INPP5A: variants seen among roughly 807,000 people sequenced by gnomAD.
The protein encoded by INPP5A is inositol polyphosphate-5-phosphatase A, also known as 43 kDa inositol polyphosphate 5-phophatase.
Under a neutral mutation model 65.2 loss-of-function variants are expected in INPP5A, and 14 were observed. The ratio of observed to expected loss-of-function variants is 0.21; its 90% CI spans 0.14 to 0.34. The LOEUF (loss-of-function observed/expected upper bound fraction) is 0.34. INPP5A is among the 10% of genes least tolerant of loss of function. The pLI is 1.00. For missense variants in INPP5A, 431 were observed against 545.6 expected, an observed-to-expected ratio of 0.79 and a Z score of 2.09; for synonymous variants, 207 against 208.3, an observed-to-expected ratio of 0.99 and a Z score of 0.05.
At position 132,705,707 on chromosome 10, in the gene INPP5A, G is replaced by T. The variant is rs899213359; in HGVS notation, c.475-2606G>T. Among the ~76,000 whole-genome samples, 1 of 152,220 alleles carries T rather than the reference G, an allele frequency of 6.6e-6. No individual in the cohort carries two copies. The highest frequency in any genetic ancestry group is 2.4e-5 in the African/African-American group (1 of 41,438). The stretch of plus-strand genomic sequence containing the variant: ...TTTACAGGTGAGGGAAGAAGGACCA[G>T]CCCTGGAAGGAGGAAGCTTGGAGCC... On this transcript the variant is annotated intron_variant, in intron 6 of 15. Coordinates refer to ENST00000368594, the MANE Select transcript of INPP5A (RefSeq NM_005539.5). This position sits in a 1 kb window ranked among gnomAD's most constrained non-coding sequence, Gnocchi z 4.9.
intron 11 of INPP5A, among the ~76,000 whole-genome samples, chr10:132,757,966 G>A (rs2134660019): frequency 6.9e-6 from 1 of 145,870 alleles, no homozygotes; most frequent in East Asian, 2.1e-4. Context: ...TGGGTGCCCG[G>A]CCGACCCCAC....
intron 11 of INPP5A, among the ~76,000 whole-genome samples, chr10:132,765,351 T>C (rs1846823651): frequency 6.6e-6 from 1 of 152,234 alleles, no homozygotes; most frequent in Non-Finnish European, 1.5e-5. Context: ...TTCCCTGACC[T>C]GTTCTCACAA....
In INPP5A at chr10:132,738,133, T is replaced by C. The variant is rs996244203; in HGVS notation, c.732+11228T>C. On this transcript the variant is annotated intron_variant, in intron 9 of 15. Transcript: ENST00000368594. The stretch of plus-strand genomic sequence containing the variant: ...CCGTAGTGTGTTCACTAATCTTTAA[T>C]GCACTTTTCTATATTTTTTATGAGC... 1.1e-3 allele frequency among the ~76,000 whole-genome samples: 160 copies of C among 152,342 alleles called. 1 individual carries two copies. The highest frequency in any genetic ancestry group is 1.9e-4 in the Non-Finnish European group (13 of 68,042).
chr10:132,577,937 C>T (rs995984140), intron 1 of INPP5A, among the ~76,000 whole-genome samples: 24 of 152,180 alleles, frequency 1.6e-4, no homozygotes, highest in African/African-American at 5.8e-4. Flanking sequence ...TTTGGGGGTG[C>T]TCCATGAAGC....
At chr10:132,598,691 G>C (rs1445350699) in intron 1 of INPP5A, among the ~76,000 whole-genome samples, 1 of 152,138 alleles carries the variant, frequency 6.6e-6, no homozygotes, top group East Asian at 1.9e-4. Context: ...TTAAGTTCCT[G>C]CTTTCAGTTC....
rs777339628 is a variant in INPP5A at position 132,781,907 on chromosome 10, A to G, written c.1205A>G (p.His402Arg). The change falls in exon 15 of 16, where the codon CAT becomes CGT. Residue 402 changes from histidine (H) to arginine (R), a missense_variant. By Grantham distance (29) the His-to-Arg change is conservative. Transcript: ENST00000368594. The part of the protein sequence containing the change: ...FRIMPGAGKP[H>R]AHVHKCCVVQ The stretch of plus-strand genomic sequence containing the variant: ...ATCATGCCCGGGGCAGGTAAACCTC[A>G]TGCCCATGTGCACAAGTGTTGTGTC... The G allele has an allele frequency of 2.5e-5, 41 of 1,613,676 alleles. No individual in the cohort carries two copies. The Admixed American group carries it at 2.8e-4, about 11-fold the overall frequency.
chr10:132,765,656 C>T (rs1373826149), intron 11 of INPP5A, 117 bp from the exon 12 acceptor site: 16 of 693,092 alleles, frequency 2.3e-5, no homozygotes, highest in Non-Finnish European at 4.0e-5. Context: ...GATGTGGCGG[C>T]TCTGGGAAGA....
At chr10:132,742,750 C>T (rs1050368055) in intron 9 of INPP5A, among the ~76,000 whole-genome samples, 27 of 152,194 alleles carry the variant, frequency 1.8e-4, no homozygotes, top group Admixed American at 1.4e-3. Context: ...CCTGGTGAAC[C>T]GGGGCCCTTG....
chr10:132,699,217 C>T (rs1470208633), intron 6 of INPP5A, among the ~76,000 whole-genome samples: 3 of 152,028 alleles, frequency 2.0e-5, no homozygotes, highest in Admixed American at 6.5e-5. Context: ...GGTGCAGGCC[C>T]GTCGGAAGGG....
chr10:132,713,165 G>T (rs569098931), intron 8 of INPP5A, among the ~76,000 whole-genome samples: 1 of 151,814 alleles, frequency 6.6e-6, no homozygotes, highest in East Asian at 1.9e-4. Flanking sequence ...TGTGTGTGCG[G>T]GTGTGTGTGC....
chr10:132,619,055 A>G (rs2072078586), intron 2 of INPP5A, among the ~76,000 whole-genome samples: 2 of 152,282 alleles, frequency 1.3e-5, no homozygotes, highest in Admixed American at 1.3e-4. Flanking sequence ...ATTTCAAAAT[A>G]CAATCATCCC....
Position 132,678,674 on chromosome 10 carries a change from C to T in INPP5A, c.307-11718C>T, listed in dbSNP as rs995989601. 1.3e-5 allele frequency among the ~76,000 whole-genome samples: 2 copies of T among 152,242 alleles called. No homozygotes were observed. Among genetic ancestry groups the T allele is most frequent in the East Asian group, 3.9e-4 (2 of 5,162 alleles). On this transcript the variant is annotated intron_variant, in intron 4 of 15. Coordinates refer to ENST00000368594, the MANE Select transcript of INPP5A (RefSeq NM_005539.5). This position sits in a 1 kb window ranked among gnomAD's most constrained non-coding sequence, Gnocchi z 4.1. ...GGCATTGTGGTGGAGGACTCAGAGG[C>T]GCCCAGGCCACATGCCTGCCCTCAG... is the stretch of plus-strand genomic sequence containing the variant.
At chr10:132,693,501 G>A (rs1845300289) in intron 5 of INPP5A, among the ~76,000 whole-genome samples, 1 of 152,046 alleles carries the variant, frequency 6.6e-6, no homozygotes, top group African/African-American at 2.4e-5. Flanking sequence ...TGAATCAAAG[G>A]AAAACTTAAA....
At chr10:132,740,375 C>T (rs1025715971) in intron 9 of INPP5A, among the ~76,000 whole-genome samples, 3 of 152,114 alleles carry the variant, frequency 2.0e-5, no homozygotes, top group African/African-American at 7.2e-5. Flanking sequence ...GTGGGAGCCT[C>T]TTAGTGAATT....
intron 8 of INPP5A, among the ~76,000 whole-genome samples, chr10:132,717,059 ACT>A (rs1261464468): frequency 1.3e-5 from 2 of 151,926 alleles, no homozygotes; most frequent in South Asian, 4.2e-4. Flanking sequence ...CCGCAACACA[ACT>A]CTGTGGCGGG....
At chr10:132,744,148 G>A (rs568780213) in intron 9 of INPP5A, among the ~76,000 whole-genome samples, 2 of 152,366 alleles carry the variant, frequency 1.3e-5, no homozygotes, top group African/African-American at 4.8e-5. Context: ...GCCTGCTGAG[G>A]GGCTGGGAGT....
At position 132,547,699 on chromosome 10, in the gene INPP5A, C is replaced by T. The variant is rs1169493366; in HGVS notation, c.75+9528C>T. Among the ~76,000 whole-genome samples the T allele has an allele frequency of 6.6e-6, 1 of 152,074 alleles. No individual in the cohort carries two copies. ...GGGCTCTTTTTTCAAAGGGTTCCTC[C>T]GGGACGCCTCGCCTAGGCAAGCAGG... On this transcript the variant is annotated intron_variant, in intron 1 of 15. Coordinates refer to ENST00000368594, the MANE Select transcript of INPP5A (RefSeq NM_005539.5). The surrounding 1 kb of genome is among the most constrained non-coding windows in gnomAD (Gnocchi z 5.5).
At chr10:132,731,255 CCCCTCCTGCGTATCAGGTGT>C (rs1846079811) in intron 9 of INPP5A, among the ~76,000 whole-genome samples, 1 of 151,560 alleles carries the variant, frequency 6.6e-6, no homozygotes, top group Non-Finnish European at 1.5e-5. Flanking sequence ...ATATCAGGCA[CCCCTCCTGCGTATCAGGTGT>C]CCCTCCTGCG....
chr10:132,549,770 C>T lies in INPP5A; in HGVS notation c.75+11599C>T, dbSNP rs1285513946. On this transcript the variant is annotated intron_variant, in intron 1 of 15. Transcript: ENST00000368594. The surrounding 1 kb of genome is among the most constrained non-coding windows in gnomAD (Gnocchi z 4.9). ...AGCCTGGGTTCCTGCAGCCCCCACT[C>T]TCTGCCCCTGGTCTGAATGGTGGGG... Among the ~76,000 whole-genome samples the T allele has an allele frequency of 6.6e-6, 1 of 152,378 alleles. No homozygotes were observed. Among genetic ancestry groups the T allele is most frequent in the African/African-American group, 2.4e-5 (1 of 41,596 alleles).
Sources: allele counts gnomAD v4.1 joint callset (sites outside exome capture counted in the v4.1 genomes callset), GRCh38; gene constraint gnomAD v4.1.1; non-coding constraint Gnocchi (gnomAD v3.1); transcripts MANE v1.5; gene names NCBI Gene and HGNC (gene_info 2026-07-23, HGNC 2026-07-21).